Variants in PDGFRL observed in about 807,000 individuals in gnomAD.
PDGFRL encodes platelet-derived growth factor receptor-like protein.
A neutral mutation model predicts 37.2 loss-of-function variants in PDGFRL; 46 were observed. The ratio of observed to expected loss-of-function variants is 1.24; its 90% CI spans 0.98 to 1.58. The LOEUF (loss-of-function observed/expected upper bound fraction) is 1.58, where lower values mean the gene tolerates loss of function less well. Among genes scored for constraint, PDGFRL ranks in the 40% most tolerant of loss-of-function variants. The probability of loss-of-function intolerance (pLI) is 0.00; values close to 1 mark genes in which losing one functional copy is unlikely to be tolerated. For missense variants in PDGFRL, 692 were observed against 467.6 expected (o/e 1.48, Z -4.43); for synonymous variants, 251 against 184.3 (o/e 1.36, Z -2.93).
At chr8:17,640,379 T>C (rs557266575) in intron 5 of PDGFRL, among the ~76,000 whole-genome samples, 1 of 152,250 alleles carries the variant, frequency 6.6e-6, no homozygotes, top group South Asian at 2.1e-4. Context: ...CAGAATTGTT[T>C]TACTGGTTCC....
Position 17,617,010 on chromosome 8 carries a change from G to C in PDGFRL, c.354-4041G>C, listed in dbSNP as rs548353921. Among the ~76,000 whole-genome samples the C allele has an allele frequency of 2.0e-5, 3 of 152,270 alleles. No individual in the cohort carries two copies. In the South Asian group the frequency reaches 6.2e-4, roughly 31 times the overall value. ...CTCCTCTGTGCCATCTCATGACTTAGGCCACCCCCAGGAGAGAGCAGCCTG... is the reference window on the plus strand; with the variant it reads ...CTCCTCTGTGCCATCTCATGACTTACGCCACCCCCAGGAGAGAGCAGCCTG... On this transcript the variant is annotated intron_variant, in intron 2 of 5. Transcript: ENST00000251630.
intron 2 of PDGFRL, among the ~76,000 whole-genome samples, chr8:17,610,688 A>T (rs115875231): frequency 0.021 from 3,249 of 152,276 alleles, 119 homozygotes; most frequent in African/African-American, 0.073. Context: ...AGGTGGCAGG[A>T]TCCCTTGAGC....
At chr8:17,588,006 C>T (rs369083231) in intron 1 of PDGFRL, among the ~76,000 whole-genome samples, 2 of 152,034 alleles carry the variant, frequency 1.3e-5, no homozygotes, top group African/African-American at 2.4e-5. Flanking sequence ...TTTTAGAGTC[C>T]GGTGGCCCAC....
intron 1 of PDGFRL, among the ~76,000 whole-genome samples, chr8:17,579,276 CTTCA>C (rs1477875319): frequency 2.0e-5 from 3 of 152,082 alleles, no homozygotes; most frequent in Non-Finnish European, 4.4e-5. Context: ...ACACACAGTG[CTTCA>C]TTAAGTTATG....
At chr8:17,584,970 G>A (rs1023981021) in intron 1 of PDGFRL, among the ~76,000 whole-genome samples, 2 of 151,800 alleles carry the variant, frequency 1.3e-5, no homozygotes, top group African/African-American at 4.8e-5. Context: ...GCTAAACAAG[G>A]GGTGGATTAT....
At chr8:17,641,910 C>T (rs1188671759) in intron 5 of PDGFRL, among the ~76,000 whole-genome samples, 1 of 141,292 alleles carries the variant, frequency 7.1e-6, no homozygotes, top group East Asian at 2.2e-4. Flanking sequence ...CGCCACATTG[C>T]TATTTGGTAT....
Position 17,634,139 on chromosome 8 carries a change from A to G in PDGFRL, c.865A>G (p.Ile289Val). 2 of 1,613,378 alleles carry G rather than the reference A, an allele frequency of 1.2e-6. No homozygotes were observed. Among genetic ancestry groups the G allele is most frequent in the South Asian group, 2.2e-5 (2 of 91,072 alleles). Reference protein sequence around the residue: ...SSNKVKSGDDISVLCTVLGEP... With the variant: ...SSNKVKSGDDVSVLCTVLGEP... ...AAACAAAGTGAAAAGTGGGGACGAC[A>G]TCAGTGTGCTCTGCACTGTCCTGGG... is the stretch of plus-strand genomic sequence containing the variant. Residue 289 changes from isoleucine (I) to valine (V), a missense_variant, in exon 5 of 6, where the codon ATC becomes GTC. Physicochemically the swap from Ile to Val is conservative, Grantham distance 29. Transcript: ENST00000251630.
chr8:17,638,140 G>A (rs939128649), intron 5 of PDGFRL, among the ~76,000 whole-genome samples: 1 of 152,058 alleles, frequency 6.6e-6, no homozygotes, highest in African/African-American at 2.4e-5. Context: ...ACCTTAGATT[G>A]TCTATTTGTG....
At chr8:17,611,768 G>A (rs562847250) in intron 2 of PDGFRL, among the ~76,000 whole-genome samples, 8 of 152,288 alleles carry the variant, frequency 5.3e-5, no homozygotes, top group African/African-American at 1.9e-4. Context: ...ATGATTTTCA[G>A]GAAAGTATAT....
chr8:17,640,971 T>A (rs115084145), intron 5 of PDGFRL, among the ~76,000 whole-genome samples: 1 of 151,562 alleles, frequency 6.6e-6, no homozygotes, highest in African/African-American at 2.4e-5. Context: ...GGACTGGCGG[T>A]GTGGTTCTCA....
rs748404038 is a variant in PDGFRL, at chr8:17,577,225, C to G, written c.-28C>G. The G allele has an allele frequency of 4.5e-5, 73 of 1,608,856 alleles. No individual in the cohort carries two copies. In the Admixed American group the frequency reaches 1.2e-3, roughly 27 times the overall value. On this transcript the variant is annotated 5_prime_UTR_variant, in exon 1 of 6. Coordinates refer to ENST00000251630, the MANE Select transcript of PDGFRL (RefSeq NM_001372073.1). ...CCCGCCCCGCGCAGCCGCCGCGCTC[C>G]TGCGCTCCGAGGTCCGAGGTTCCCG...
chr8:17,601,088 C>G (rs931186723), intron 2 of PDGFRL, among the ~76,000 whole-genome samples: 1 of 152,182 alleles, frequency 6.6e-6, no homozygotes, highest in Non-Finnish European at 1.5e-5. Context: ...TTGCTCTTGA[C>G]CAGAGGCCCG....
chr8:17,589,399 A>C, intron 1 of PDGFRL, 69 bp from the exon 2 acceptor site: 2 of 1,106,416 alleles, frequency 1.8e-6, no homozygotes, highest in East Asian at 4.8e-5. Context: ...AAAAAAAAAA[A>C]GTTATTGGCC....
At chr8:17,579,026 C>T (rs753542113) in intron 1 of PDGFRL, among the ~76,000 whole-genome samples, 39 of 151,892 alleles carry the variant, frequency 2.6e-4, no homozygotes, top group African/African-American at 6.8e-4. Flanking sequence ...GGTGAAACCC[C>T]GTCTCTACTA....
intron 1 of PDGFRL, among the ~76,000 whole-genome samples, chr8:17,580,141 T>C (rs1391710403): frequency 6.6e-6 from 1 of 152,172 alleles, no homozygotes; most frequent in African/African-American, 2.4e-5. Context: ...GCTAATCTGG[T>C]CTTCAGTAAC....
intron 1 of PDGFRL, 81 bp from the exon 2 acceptor site, chr8:17,589,385 CAA>C (rs34147348): frequency 0.13 from 82,100 of 650,252 alleles, 73 homozygotes; most frequent in South Asian, 0.19. Context: ...GAATCTGTCT[CAA>C]AAAAAAAAAA....
At chr8:17,607,448 T>A (rs1280323151) in intron 2 of PDGFRL, among the ~76,000 whole-genome samples, 1 of 152,236 alleles carries the variant, frequency 6.6e-6, no homozygotes, top group African/African-American at 2.4e-5. Context: ...AACATTTCAT[T>A]TCTTGAGCAT....
intron 5 of PDGFRL, among the ~76,000 whole-genome samples, chr8:17,637,888 T>G (rs1805004016): frequency 6.6e-6 from 1 of 151,676 alleles, no homozygotes; most frequent in African/African-American, 2.4e-5. Context: ...AATTATCTTT[T>G]GTATTTCTGT....
chr8:17,605,655 G>A (rs1428418653), intron 2 of PDGFRL, among the ~76,000 whole-genome samples: 1 of 152,208 alleles, frequency 6.6e-6, no homozygotes, highest in Non-Finnish European at 1.5e-5. Flanking sequence ...AGACGTTGGA[G>A]ATTTCAGCTA....
Sources: allele counts gnomAD v4.1 joint callset (sites outside exome capture counted in the v4.1 genomes callset), GRCh38; gene constraint gnomAD v4.1.1; transcripts MANE v1.5; gene names NCBI Gene and HGNC (gene_info 2026-07-23, HGNC 2026-07-21).